The following TET3 variants were observed in gnomAD, a reference collection of about 807,000 sequenced individuals.
The protein encoded by TET3 is methylcytosine dioxygenase TET3.
A neutral mutation model predicts 141.4 loss-of-function variants in TET3; 19 were observed. The ratio of observed to expected loss-of-function variants is 0.13; its 90% CI spans 0.09 to 0.20. The LOEUF is 0.20. TET3 is among the 10% of genes least tolerant of loss of function. The pLI, the probability that TET3 is intolerant of heterozygous loss-of-function variation, is 1.00. For synonymous variants in TET3, 1,043 were observed against 980.9 expected (o/e 1.06, Z -1.18); for missense variants, 1,874 against 2,356.9 (o/e 0.80, Z 4.24).
At chr2:74,039,276 A>T (rs1687221908) in intron 3 of TET3, among the ~76,000 whole-genome samples, 1 of 152,120 alleles carries the variant, frequency 6.6e-6, no homozygotes, top group African/African-American at 2.4e-5. Flanking sequence ...ACTCCTGCAG[A>T]ATTCTTCCCC....
intron 4 of TET3, among the ~76,000 whole-genome samples, chr2:74,055,168 A>G (rs1235096928): frequency 5.9e-5 from 9 of 152,072 alleles, no homozygotes; most frequent in African/African-American, 1.9e-4. Context: ...CCAGAATGCT[A>G]GGATTACAGG....
chr2:74,129,772 A>C, the TET3 span, among the ~76,000 whole-genome samples: 1 of 151,854 alleles, frequency 6.6e-6, no homozygotes, highest in South Asian at 2.1e-4. Flanking sequence ...CTGTTGTTAC[A>C]CTCACACTGA....
chr2:74,065,254 G>A (rs986690902), intron 4 of TET3, among the ~76,000 whole-genome samples: 1 of 152,148 alleles, frequency 6.6e-6, no homozygotes, highest in African/African-American at 2.4e-5. Context: ...CAAGGACAAA[G>A]GAGTGTTTGT....
At chr2:74,057,203 T>C (rs1024997143) in intron 4 of TET3, among the ~76,000 whole-genome samples, 3 of 152,204 alleles carry the variant, frequency 2.0e-5, no homozygotes, top group Admixed American at 6.5e-5. Flanking sequence ...GGGGCTTTAT[T>C]TTAACTTGAC....
chr2:74,049,197 C>CCT (rs1687808685), intron 4 of TET3, among the ~76,000 whole-genome samples: 1 of 152,012 alleles, frequency 6.6e-6, no homozygotes, highest in Non-Finnish European at 1.5e-5. Context: ...CAGGTCTCTG[C>CCT]CTGGGGGTGG....
intron 3 of TET3, among the ~76,000 whole-genome samples, chr2:74,042,707 T>TTC (rs1162021687): frequency 1.3e-5 from 2 of 152,216 alleles, no homozygotes; most frequent in African/African-American, 4.8e-5. Flanking sequence ...ACCTGGGCTG[T>TTC]TCTTAAATGC....
chr2:74,079,894 T>G (rs1689709259), intron 5 of TET3, among the ~76,000 whole-genome samples: 1 of 152,152 alleles, frequency 6.6e-6, no homozygotes, highest in Admixed American at 6.5e-5. Flanking sequence ...CCTAGAGAGC[T>G]GGGGTTCTGA....
intron 3 of TET3, among the ~76,000 whole-genome samples, chr2:74,035,757 A>G (rs1687016800): frequency 1.3e-5 from 2 of 151,582 alleles, no homozygotes; most frequent in South Asian, 4.2e-4. Flanking sequence ...CCTGCCTGTA[A>G]TCCCAACACT....
chr2:74,058,835 TA>T (rs1688348106), intron 4 of TET3, among the ~76,000 whole-genome samples: 1 of 152,158 alleles, frequency 6.6e-6, no homozygotes, highest in African/African-American at 2.4e-5. Context: ...CACTCATGTA[TA>T]AAAGGGGTTT....
chr2:73,986,640 C>T lies in TET3; in HGVS notation c.237C>T (p.Arg79=). The stretch of plus-strand genomic sequence containing the variant: ...CTTGCACTAGCTGTACCAACCGCCG[C>T]ACGCACCAGATCTGCAAACTGCGAA... ...CGACTSCTNR[R]THQICKLRKC... is the part of the protein sequence containing the mutation. The change falls in exon 2 of 12, where the codon CGC becomes CGT. Residue 79 remains arginine (R), a synonymous_variant. Transcript: ENST00000409262. The T allele has an allele frequency of 1.6e-6, 2 of 1,232,138 alleles. No individual in the cohort carries two copies. The highest frequency in any genetic ancestry group is 2.0e-6 in the Non-Finnish European group (2 of 987,996). The allele number at this position is 1,232,138 out of a possible 1,614,324, so 76.3% of individuals were successfully genotyped here. A position where few individuals can be genotyped will look rare whatever the true frequency, so the allele number is the denominator to read the frequency against.
At position 74,048,136 on chromosome 2, in the gene TET3, C is replaced by T. The variant is rs1687747957; in HGVS notation, c.2219C>T (p.Thr740Ile). Residue 740 changes from threonine to isoleucine, a missense_variant, in exon 4 of 12, where the codon ACA becomes ATA. By Grantham distance (89) the Thr-to-Ile change is moderately conservative. Around this residue, in one of 10 missense-constraint regions of TET3, gnomAD observed 6 missense variants for 16.4 expected, o/e 0.37. Transcript: ENST00000409262. ...VPIQDPENQQ[T>I]CLPAPESPFA... is the part of the protein sequence containing the mutation. ...ATTCAGGACCCCGAGAACCAGCAAACATGTCTCCCAGCCCCTGAGAGCCCC... is the reference window on the plus strand; with the variant it reads ...ATTCAGGACCCCGAGAACCAGCAAATATGTCTCCCAGCCCCTGAGAGCCCC... The T allele has an allele frequency of 6.2e-7, 1 of 1,613,278 alleles. No individual in the cohort carries two copies. The highest frequency in any genetic ancestry group is 8.5e-7 in the Non-Finnish European group (1 of 1,179,586).
chr2:74,073,608 G>A lies in TET3; in HGVS notation c.2554G>A (p.Val852Ile). The A allele has an allele frequency of 6.2e-7, 1 of 1,612,166 alleles. No individual in the cohort carries two copies. Among genetic ancestry groups the A allele is most frequent in the Non-Finnish European group, 8.5e-7 (1 of 1,179,270 alleles). Residue 852 changes from valine to isoleucine, a missense_variant, in exon 5 of 12, where the codon GTC becomes ATC. Physicochemically the swap from Val to Ile is conservative, Grantham distance 29. Coordinates refer to ENST00000409262, the MANE Select transcript of TET3 (RefSeq NM_001287491.2). ...YYTHLGSGPT[V>I]ASIRELMEER... ...TACTCACTTGGGATCTGGCCCCACG[G>A]TCGCCTCTATCCGGGAACTCATGGA... is the stretch of plus-strand genomic sequence containing the variant.
At chr2:74,073,259 T>TA (rs1689309020) in intron 4 of TET3, among the ~76,000 whole-genome samples, 1 of 152,190 alleles carries the variant, frequency 6.6e-6, no homozygotes, top group African/African-American at 2.4e-5. Flanking sequence ...CTTTATTGGA[T>TA]AATGGTAGGC....
chr2:74,107,647 A>AC lies in TET3; in HGVS notation c.*5471_*5472insC, dbSNP rs1367325144. 6.6e-6 allele frequency: 1 copy of AC among 152,218 alleles called. No individual in the cohort carries two copies. Among genetic ancestry groups the AC allele is most frequent in the African/African-American group, 2.4e-5 (1 of 41,454 alleles). 9.4% of individuals were successfully genotyped at this position (152,218 alleles called of 1,614,324 possible). ...AATGGCATATTAATACATTAGACTT[A>AC]ATCTAGAACCCCTGTAGCTTTTTGA... is the stretch of plus-strand genomic sequence containing the variant. On this transcript the variant is annotated 3_prime_UTR_variant, in exon 12 of 12. Coordinates refer to ENST00000409262, the MANE Select transcript of TET3 (RefSeq NM_001287491.2).
chr2:74,117,501 T>C, the TET3 span, among the ~76,000 whole-genome samples: 1 of 152,094 alleles, frequency 6.6e-6, no homozygotes, highest in Non-Finnish European at 1.5e-5. Context: ...CTCAACCTCC[T>C]GAGTACCTGG....
rs186683579 is a variant in TET3 at position 74,006,003 on chromosome 2, C to T, written c.360+2837C>T. Among the ~76,000 whole-genome samples, 9 of 152,208 alleles carry T rather than the reference C, an allele frequency of 5.9e-5. No homozygotes were observed. In the East Asian group the frequency reaches 1.4e-3, roughly 23 times the overall value. On this transcript the variant is annotated intron_variant, in intron 3 of 11. Transcript: ENST00000409262. ...TCCCACACTCTGCCCCATGGGAACCCTTGACTGGCTGAGGATGTCTGGAAA... is the reference window on the plus strand; with the variant it reads ...TCCCACACTCTGCCCCATGGGAACCTTTGACTGGCTGAGGATGTCTGGAAA...
At chr2:73,998,898 C>T (rs1684719514) in intron 2 of TET3, among the ~76,000 whole-genome samples, 1 of 152,090 alleles carries the variant, frequency 6.6e-6, no homozygotes, top group Non-Finnish European at 1.5e-5. Flanking sequence ...GGAACGTAGG[C>T]ATAGCCCTGC....
the TET3 span, among the ~76,000 whole-genome samples, chr2:74,119,300 C>T: frequency 6.6e-6 from 1 of 151,018 alleles, no homozygotes; most frequent in Non-Finnish European, 1.5e-5. Context: ...TTGCAGTGAG[C>T]CGAGATCGCA....
At chr2:74,059,102 A>G (rs1573813285) in intron 4 of TET3, among the ~76,000 whole-genome samples, 1 of 152,276 alleles carries the variant, frequency 6.6e-6, no homozygotes, top group Non-Finnish European at 1.5e-5. Flanking sequence ...ATTCTATTCT[A>G]ACTTCTTACC....
Sources: gnomAD v4.1 joint callset for allele counts (sites outside exome capture counted in the v4.1 genomes callset) on GRCh38, gnomAD v4.1.1 for gene constraint, gnomAD v4.1.1 regional missense constraint, MANE v1.5 for transcripts, NCBI Gene and HGNC (gene_info 2026-07-23, HGNC 2026-07-21) for gene names.